Variants in PRR16 observed in about 807,000 individuals in gnomAD.
PRR16 encodes protein Largen.
A neutral mutation model predicts 18.2 loss-of-function variants in PRR16; 6 were observed. That is an observed-to-expected ratio of 0.33 (90% CI 0.18 to 0.65). The LOEUF (loss-of-function observed/expected upper bound fraction) is 0.65. Among genes scored for constraint, PRR16 ranks in the 30% least tolerant of loss-of-function variants. PRR16 has a pLI of 0.74. For synonymous variants in PRR16, 151 were observed against 147.8 expected (o/e 1.02, Z -0.16); for missense variants, 412 against 376.6 (o/e 1.09, Z -0.78).
chr5:120,538,321 G>A (rs1488410167), intron 1 of PRR16, among the ~76,000 whole-genome samples: 1 of 152,156 alleles, frequency 6.6e-6, no homozygotes, highest in Non-Finnish European at 1.5e-5. Flanking sequence ...GGAAGCTCTT[G>A]AGAAAACATA....
chr5:120,773,388 T>TAAC, the PRR16 span, among the ~76,000 whole-genome samples: 2 of 152,188 alleles, frequency 1.3e-5, no homozygotes, highest in Non-Finnish European at 2.9e-5. Context: ...AAGTTCATAC[T>TAAC]AACTGTTTAA....
intron 1 of PRR16, among the ~76,000 whole-genome samples, chr5:120,550,920 C>CA (rs1430288642): frequency 6.6e-6 from 1 of 151,814 alleles, no homozygotes; most frequent in African/African-American, 2.4e-5. Flanking sequence ...GTATACCTGA[C>CA]AAAAAATTGT....
intron 1 of PRR16, among the ~76,000 whole-genome samples, chr5:120,656,131 C>G (rs1755966729): frequency 6.6e-6 from 1 of 151,818 alleles, no homozygotes; most frequent in African/African-American, 2.4e-5. Flanking sequence ...AAAATATCAT[C>G]ACCACCTTTT....
At chr5:120,470,410 A>G (rs902312819) in intron 1 of PRR16, among the ~76,000 whole-genome samples, 1 of 152,196 alleles carries the variant, frequency 6.6e-6, no homozygotes, top group Non-Finnish European at 1.5e-5. Context: ...AAATAAGTAT[A>G]CTAAACATTT....
chr5:120,726,327 T>C, the PRR16 span, among the ~76,000 whole-genome samples: 1 of 152,000 alleles, frequency 6.6e-6, no homozygotes, highest in African/African-American at 2.4e-5. Context: ...AAGCCTTCTG[T>C]GGCAGTGCAG....
At chr5:120,527,276 G>C (rs1751404440) in intron 1 of PRR16, among the ~76,000 whole-genome samples, 1 of 152,134 alleles carries the variant, frequency 6.6e-6, no homozygotes. Flanking sequence ...CTACAGATGA[G>C]AGTAACTGAG....
In PRR16 at chr5:120,492,255, AGTGTGTGTGTGT is replaced by A. The variant is rs3991307; in HGVS notation, c.159+27644_159+27655del. Among the ~76,000 whole-genome samples the A allele has an allele frequency of 2.8e-3, 381 of 138,070 alleles. 1 individual carries two copies. The highest frequency in any genetic ancestry group is 0.012 in the South Asian group (47 of 4,080). The allele number at this position is 138,070 out of a possible 152,430, so 90.6% of individuals were successfully genotyped here. A position where few individuals can be genotyped will look rare whatever the true frequency, so the allele number is the denominator to read the frequency against. ...ATGCATCCCCATGCCCGCTAATTTG[AGTGTGTGTGTGT>A]GTGTGTGTGTGTGTGTGTGTGTGTG... On this transcript the variant is annotated intron_variant, in intron 1 of 1. Transcript: ENST00000407149.
At chr5:120,744,653 C>G in the PRR16 span, among the ~76,000 whole-genome samples, 1 of 152,198 alleles carries the variant, frequency 6.6e-6, no homozygotes, top group Non-Finnish European at 1.5e-5. Flanking sequence ...AAATAGAGCT[C>G]ATGACATTTC....
chr5:120,517,504 G>C (rs73266105), intron 1 of PRR16, among the ~76,000 whole-genome samples: 1,935 of 152,116 alleles, frequency 0.013, 17 homozygotes, highest in Middle Eastern at 0.11. Context: ...AAAATATATA[G>C]TTTTCTATTC....
chr5:120,732,431 A>G, the PRR16 span, among the ~76,000 whole-genome samples: 7 of 152,032 alleles, frequency 4.6e-5, no homozygotes, highest in African/African-American at 1.7e-4. Context: ...TGATATATTG[A>G]TTATACTATT....
chr5:120,691,564 C>A (rs1462871803), downstream of PRR16, among the ~76,000 whole-genome samples: 1 of 152,136 alleles, frequency 6.6e-6, no homozygotes, highest in East Asian at 1.9e-4. Context: ...CTATCATACA[C>A]TGGTGTTTCA....
At chr5:120,751,383 A>G in the PRR16 span, among the ~76,000 whole-genome samples, 2 of 152,100 alleles carry the variant, frequency 1.3e-5, no homozygotes, top group Admixed American at 1.3e-4. Flanking sequence ...TAATTTGCAT[A>G]TTCCAATCAA....
intron 1 of PRR16, among the ~76,000 whole-genome samples, chr5:120,510,596 C>T (rs1042190828): frequency 6.6e-6 from 1 of 152,066 alleles, no homozygotes; most frequent in East Asian, 1.9e-4. Flanking sequence ...TTCAAACTAT[C>T]GGTAGCAGCC....
intron 1 of PRR16, among the ~76,000 whole-genome samples, chr5:120,499,652 C>T (rs1750381330): frequency 6.6e-6 from 1 of 151,874 alleles, no homozygotes; most frequent in African/African-American, 2.4e-5. Flanking sequence ...TTCTTTTCTA[C>T]TTCTATTATT....
At chr5:120,712,524 A>G in the PRR16 span, among the ~76,000 whole-genome samples, 1 of 152,160 alleles carries the variant, frequency 6.6e-6, no homozygotes, top group African/African-American at 2.4e-5. Flanking sequence ...GGAACCTTAC[A>G]GATTGGGAAA....
chr5:120,580,560 T>C (rs1333219033), intron 1 of PRR16, among the ~76,000 whole-genome samples: 1 of 151,412 alleles, frequency 6.6e-6, no homozygotes, highest in Non-Finnish European at 1.5e-5. Context: ...GTTCACGCCA[T>C]TCTCCTGCCT....
the PRR16 span, chr5:120,781,536 G>C: frequency 6.6e-6 from 1 of 152,248 alleles, no homozygotes; most frequent in Non-Finnish European, 1.5e-5. Context: ...GTGTATGGGA[G>C]GCATCTCTCA....
At chr5:120,575,320 C>CAT (rs1554084550) in intron 1 of PRR16, among the ~76,000 whole-genome samples, 1 of 143,034 alleles carries the variant, frequency 7.0e-6, no homozygotes, top group Non-Finnish European at 1.6e-5. Flanking sequence ...GACAAGGAAA[C>CAT]ACACACACAC....
the PRR16 span, among the ~76,000 whole-genome samples, chr5:120,732,568 A>G: frequency 8.5e-5 from 13 of 152,306 alleles, no homozygotes; most frequent in African/African-American, 2.6e-4. Flanking sequence ...CTATGTTTTT[A>G]AAACTCATTC....
Sources: gnomAD v4.1 joint callset for allele counts (sites outside exome capture counted in the v4.1 genomes callset) on GRCh38, gnomAD v4.1.1 for gene constraint, MANE v1.5 for transcripts, NCBI Gene and HGNC (gene_info 2026-07-23, HGNC 2026-07-21) for gene names.